The following CALM3 variants were observed in gnomAD, a reference collection of about 807,000 sequenced individuals.
CALM3 encodes calmodulin 3.
A neutral mutation model predicts 20.1 loss-of-function variants in CALM3; 5 were observed. The ratio of observed to expected loss-of-function variants is 0.25; its 90% CI spans 0.13 to 0.52. The LOEUF is 0.52. Ranked by LOEUF, CALM3 falls within the 20% of genes least tolerant of loss-of-function variation. The pLI is 0.96. For missense variants in CALM3, 57 were observed against 192.8 expected (o/e 0.30, Z 4.17); for synonymous variants, 69 against 68.1 (o/e 1.01, Z -0.06).
In CALM3 at chr19:46,610,518, T is replaced by TC. The variant is rs1971862713; in HGVS notation, c.*1366dup. On this transcript the variant is annotated 3_prime_UTR_variant, in exon 6 of 6. Coordinates refer to ENST00000291295, the MANE Select transcript of CALM3 (RefSeq NM_005184.4). ...TGCTTCCCCTCACTGCCCAGGTCGA[T>TC]CAAGTGGCTTTTCCTGGGACCTGCC... 1 of 118,096 alleles carries TC rather than the reference T, an allele frequency of 8.5e-6. No individual in the cohort carries two copies. Among genetic ancestry groups the TC allele is most frequent in the Non-Finnish European group, 1.6e-5 (1 of 60,986 alleles). The allele number at this position is 118,096 out of a possible 1,614,324, so 7.3% of individuals were successfully genotyped here.
upstream of CALM3, chr19:46,601,322 C>G (rs1296410507): frequency 1.9e-6 from 2 of 1,055,218 alleles, no homozygotes; most frequent in Non-Finnish European, 2.5e-6. The surrounding 1 kb of genome is among the most constrained non-coding windows in gnomAD (Gnocchi z 4.2). Context: ...GCGGCGCGCG[C>G]TGCGGGCAGT....
Position 46,605,798 on chromosome 19 carries a change from G to T in CALM3, c.4-29G>T. The stretch of plus-strand genomic sequence containing the variant: ...ATGCGTCCGTGCTGTCCGGCCTGGT[G>T]ACTGACTTTCCCCTTCATGCTTTTA... On this transcript the variant is annotated intron_variant, in intron 1 of 5. Coordinates refer to ENST00000291295, the MANE Select transcript of CALM3 (RefSeq NM_005184.4). The surrounding 1 kb of genome is among the most constrained non-coding windows in gnomAD (Gnocchi z 4.1). The T allele has an allele frequency of 6.2e-7, 1 of 1,613,772 alleles. No individual in the cohort carries two copies. The highest frequency in any genetic ancestry group is 1.1e-5 in the South Asian group (1 of 91,046).
chr19:46,609,317 G>C lies in CALM3; in HGVS notation c.*164G>C. 1.4e-6 allele frequency: 1 copy of C among 698,582 alleles called. No individual in the cohort carries two copies. Among genetic ancestry groups the C allele is most frequent in the Non-Finnish European group, 2.5e-6 (1 of 399,862 alleles). The allele number at this position is 698,582 out of a possible 1,614,324, so 43.3% of individuals were successfully genotyped here. A position where few individuals can be genotyped will look rare whatever the true frequency, so the allele number is the denominator to read the frequency against. On this transcript the variant is annotated 3_prime_UTR_variant, in exon 6 of 6. Coordinates refer to ENST00000291295, the MANE Select transcript of CALM3 (RefSeq NM_005184.4). Reference sequence around the variant, plus strand: ...AAGATTTGTCCCAAGCTGCATGATTGCTCTTTCTCCTTCTTCCCTGAGTCT... The same window carrying C: ...AAGATTTGTCCCAAGCTGCATGATTCCTCTTTCTCCTTCTTCCCTGAGTCT...
At position 46,609,236 on chromosome 19, in the gene CALM3, G is replaced by A. The variant is rs1026461427; in HGVS notation, c.*83G>A. On this transcript the variant is annotated 3_prime_UTR_variant, in exon 6 of 6. Coordinates refer to ENST00000291295, the MANE Select transcript of CALM3 (RefSeq NM_005184.4). Reference sequence around the variant, plus strand: ...CACTCTCTCTTCAACACTCCCCTGCGTACCCCGGTTCTAGCAAACACCAAT... The same window carrying A: ...CACTCTCTCTTCAACACTCCCCTGCATACCCCGGTTCTAGCAAACACCAAT... 1.4e-5 allele frequency: 18 copies of A among 1,275,310 alleles called. 1 individual carries two copies. The highest frequency in any genetic ancestry group is 5.9e-5 in the African/African-American group (4 of 67,784). 79.0% of individuals were successfully genotyped at this position (1,275,310 alleles called of 1,614,324 possible).
rs1971798558 is a variant in CALM3 at position 46,608,690 on chromosome 19, CCCGGTG to C, written c.285+105_285+110del. ...GCTACCACTTCCAGGAGGTCCGGGT[CCCGGTG>C]CCAGCCTCATTGCCAACCTGCTCTG... On this transcript the variant is annotated intron_variant, in intron 4 of 5. Transcript: ENST00000291295. The surrounding 1 kb of genome is among the most constrained non-coding windows in gnomAD (Gnocchi z 5.5). 1.6e-6 allele frequency: 2 copies of C among 1,268,334 alleles called. No individual in the cohort carries two copies. The highest frequency in any genetic ancestry group is 3.0e-5 in the African/African-American group (2 of 67,650). The allele number at this position is 1,268,334 out of a possible 1,614,324, so 78.6% of individuals were successfully genotyped here.
chr19:46,608,478 C>T lies in CALM3; in HGVS notation c.179-4C>T. 1 of 1,613,284 alleles carries T rather than the reference C, an allele frequency of 6.2e-7. No individual in the cohort carries two copies. Among genetic ancestry groups the T allele is most frequent in the Non-Finnish European group, 8.5e-7 (1 of 1,179,184 alleles). On this transcript the variant is annotated splice_region_variant and splice_polypyrimidine_tract_variant and intron_variant, in intron 3 of 5. Coordinates refer to ENST00000291295, the MANE Select transcript of CALM3 (RefSeq NM_005184.4). The surrounding 1 kb of genome is among the most constrained non-coding windows in gnomAD (Gnocchi z 5.5). ...GCATTCTCCATCCTTTCCCCACCTT[C>T]CAGGGAACGGGACCATTGACTTCCC...
chr19:46,604,822 A>G (rs1172781796), intron 1 of CALM3, among the ~76,000 whole-genome samples: 2 of 152,094 alleles, frequency 1.3e-5, no homozygotes, highest in African/African-American at 4.8e-5. Flanking sequence ...CACAGCATCA[A>G]CAAAAACCAG....
rs1971619452 is a variant in CALM3, at chr19:46,601,641, A to G, written c.3+204A>G. On this transcript the variant is annotated intron_variant, in intron 1 of 5. Transcript: ENST00000291295. The surrounding 1 kb of genome is among the most constrained non-coding windows in gnomAD (Gnocchi z 4.2). ...ACCAGAGGTTTCCAGAAGCGACTTT[A>G]GCACCAAATGGGATGTTTAAGTCCA... Among the ~76,000 whole-genome samples, 1 of 152,194 alleles carries G rather than the reference A, an allele frequency of 6.6e-6. No individual in the cohort carries two copies. The highest frequency in any genetic ancestry group is 1.5e-5 in the Non-Finnish European group (1 of 68,042).
intron 2 of CALM3, among the ~76,000 whole-genome samples, chr19:46,606,619 TC>T (rs1971748386): frequency 6.6e-6 from 1 of 152,192 alleles, no homozygotes; most frequent in Non-Finnish European, 1.5e-5. Flanking sequence ...TAGTAGGTCC[TC>T]CGCAAACTTT....
At position 46,601,747 on chromosome 19, in the gene CALM3, G is replaced by A. The variant is rs776889109; in HGVS notation, c.3+310G>A. ...GACCCTCAGTGGGACCCCTCAAAAG[G>A]ATTTTGGACCCAGGATGGGGCGTTG... On this transcript the variant is annotated intron_variant, in intron 1 of 5. Coordinates refer to ENST00000291295, the MANE Select transcript of CALM3 (RefSeq NM_005184.4). This position sits in a 1 kb window ranked among gnomAD's most constrained non-coding sequence, Gnocchi z 4.2. Among the ~76,000 whole-genome samples the A allele has an allele frequency of 1.8e-4, 28 of 152,202 alleles. No homozygotes were observed. The highest frequency in any genetic ancestry group is 2.9e-4 in the Non-Finnish European group (20 of 68,038).
chr19:46,605,789 C>A lies in CALM3; in HGVS notation c.4-38C>A. 1 of 1,612,348 alleles carries A rather than the reference C, an allele frequency of 6.2e-7. No individual in the cohort carries two copies. The highest frequency in any genetic ancestry group is 8.5e-7 in the Non-Finnish European group (1 of 1,178,458). ...GTGAGGAAGATGCGTCCGTGCTGTC[C>A]GGCCTGGTGACTGACTTTCCCCTTC... On this transcript the variant is annotated intron_variant, in intron 1 of 5. Transcript: ENST00000291295. The surrounding 1 kb of genome is among the most constrained non-coding windows in gnomAD (Gnocchi z 4.1).
chr19:46,608,993 C>A lies in CALM3; in HGVS notation c.421+12C>A. On this transcript the variant is annotated intron_variant, in intron 5 of 5. Coordinates refer to ENST00000291295, the MANE Select transcript of CALM3 (RefSeq NM_005184.4). The surrounding 1 kb of genome is among the most constrained non-coding windows in gnomAD (Gnocchi z 5.5). ...GGTCAATTATGAAGGTGAGTCAAGG[C>A]CAGGCTTGATCTCTGGAACAAGAAG... 1 of 1,602,688 alleles carries A rather than the reference C, an allele frequency of 6.2e-7. No homozygotes were observed. Among genetic ancestry groups the A allele is most frequent in the Non-Finnish European group, 8.5e-7 (1 of 1,173,466 alleles).
chr19:46,602,218 T>A, intron 1 of CALM3: 5 of 1,351,978 alleles, frequency 3.7e-6, no homozygotes, highest in Non-Finnish European at 4.9e-6. Flanking sequence ...ATGGTGAGAG[T>A]GGGGCTCGCC....
At position 46,609,303 on chromosome 19, in the gene CALM3, C is replaced by T; in HGVS notation, c.*150C>T. 1 of 749,320 alleles carries T rather than the reference C, an allele frequency of 1.3e-6. No individual in the cohort carries two copies. Among genetic ancestry groups the T allele is most frequent in the South Asian group, 1.7e-5 (1 of 60,534 alleles). 46.4% of individuals were successfully genotyped at this position (749,320 alleles called of 1,614,324 possible). A position where few individuals can be genotyped will look rare whatever the true frequency, so the allele number is the denominator to read the frequency against. On this transcript the variant is annotated 3_prime_UTR_variant, in exon 6 of 6. Transcript: ENST00000291295. ...TGATAAAGCAACAAAAGATTTGTCC[C>T]AAGCTGCATGATTGCTCTTTCTCCT...
In CALM3 at chr19:46,605,721, G is replaced by A; in HGVS notation, c.4-106G>A. On this transcript the variant is annotated intron_variant, in intron 1 of 5. Transcript: ENST00000291295. The surrounding 1 kb of genome is among the most constrained non-coding windows in gnomAD (Gnocchi z 4.1). ...TGCTCCTCCCTGGCCCGGCGGGAAT[G>A]GCACGTGGAGCTGGCCTCACTGGGG... 1 of 1,068,028 alleles carries A rather than the reference G, an allele frequency of 9.4e-7. No individual in the cohort carries two copies. The allele number at this position is 1,068,028 out of a possible 1,614,324, so 66.2% of individuals were successfully genotyped here.
chr19:46,601,104 G>A (rs1011068337), upstream of CALM3: 1 of 902,718 alleles, frequency 1.1e-6, no homozygotes, highest in East Asian at 2.7e-5. This position sits in a 1 kb window ranked among gnomAD's most constrained non-coding sequence, Gnocchi z 4.2. Flanking sequence ...GGCGACGGGA[G>A]CGAGCGCGCG....
chr19:46,608,144 A>G lies in CALM3; in HGVS notation c.35-53A>G, dbSNP rs887638849. The G allele has an allele frequency of 1.3e-6, 2 of 1,573,662 alleles. No homozygotes were observed. Among genetic ancestry groups the G allele is most frequent in the East Asian group, 2.2e-5 (1 of 44,620 alleles). The stretch of plus-strand genomic sequence containing the variant: ...GGAAGGCATCCAGCATCCAGAGGTA[A>G]GGATTCTCCTGTGGACCTTGTGACC... On this transcript the variant is annotated intron_variant, in intron 2 of 5. Transcript: ENST00000291295. The surrounding 1 kb of genome is among the most constrained non-coding windows in gnomAD (Gnocchi z 5.5).
chr19:46,606,250 G>GATCTACACCTT, intron 2 of CALM3: 2 of 205,694 alleles, frequency 9.7e-6, no homozygotes, highest in Non-Finnish European at 2.0e-5. Flanking sequence ...CCGCCCAGGA[G>GATCTACACCTT]CTGGCTCGTC....
At chr19:46,607,811 G>A (rs1234140244) in intron 2 of CALM3, among the ~76,000 whole-genome samples, 3 of 152,150 alleles carry the variant, frequency 2.0e-5, no homozygotes, top group Non-Finnish European at 4.4e-5. Context: ...CTCAGACAAA[G>A]AATCCTTTCG....
Sources: allele counts gnomAD v4.1 joint callset (sites outside exome capture counted in the v4.1 genomes callset), GRCh38; gene constraint gnomAD v4.1.1; non-coding constraint Gnocchi (gnomAD v3.1); transcripts MANE v1.5; gene names NCBI Gene and HGNC (gene_info 2026-07-23, HGNC 2026-07-21).